The following TEX48 variants were observed in gnomAD, a reference collection of about 807,000 sequenced individuals.
The protein encoded by TEX48 is testis expressed 48.
TEX48 carries 10 observed loss-of-function variants against 13.2 expected under a neutral mutation model. The ratio of observed to expected loss-of-function variants is 0.75; its 90% CI spans 0.47 to 1.28. The LOEUF is 1.28. Among genes scored for constraint, TEX48 ranks in the 50% most tolerant of loss-of-function variants. The pLI is 0.00. For missense variants in TEX48, 116 were observed against 139.4 expected (o/e 0.83, Z 0.84); for synonymous variants, 45 against 52.3 (o/e 0.86, Z 0.60).
intron 1 of TEX48, among the ~76,000 whole-genome samples, chr9:114,680,243 T>C (rs552182289): frequency 6.7e-6 from 1 of 148,428 alleles, no homozygotes; most frequent in African/African-American, 2.5e-5. Flanking sequence ...TTCTCCTGCC[T>C]CAGCCTCCCG....
chr9:114,680,821 G>A (rs985155077), intron 1 of TEX48, among the ~76,000 whole-genome samples: 1 of 152,100 alleles, frequency 6.6e-6, no homozygotes, highest in Non-Finnish European at 1.5e-5. Context: ...AAACTCCCTT[G>A]GTAACCATTC....
intron 1 of TEX48, among the ~76,000 whole-genome samples, chr9:114,673,042 G>A (rs1200310258): frequency 6.6e-6 from 1 of 152,168 alleles, no homozygotes; most frequent in Non-Finnish European, 1.5e-5. Context: ...CTACCAAGCT[G>A]TATAACATAC....
chr9:114,679,908 G>T (rs545406965), intron 1 of TEX48, among the ~76,000 whole-genome samples: 1 of 152,076 alleles, frequency 6.6e-6, no homozygotes, highest in Non-Finnish European at 1.5e-5. Context: ...AGAAACCTTC[G>T]GGTTTTATTT....
At chr9:114,667,206 C>G (rs1259372443) in intron 4 of TEX48, among the ~76,000 whole-genome samples, 2 of 152,166 alleles carry the variant, frequency 1.3e-5, no homozygotes, top group African/African-American at 4.8e-5. Flanking sequence ...AAAATGGACT[C>G]TGTGAAATGC....
Position 114,666,636 on chromosome 9 carries a change from A to T in TEX48, c.*7T>A. 1 of 1,498,280 alleles carries T rather than the reference A, an allele frequency of 6.7e-7. No individual in the cohort carries two copies. The highest frequency in any genetic ancestry group is 8.9e-7 in the Non-Finnish European group (1 of 1,118,310). The allele number at this position is 1,498,280 out of a possible 1,614,324, so 92.8% of individuals were successfully genotyped here. On this transcript the variant is annotated 3_prime_UTR_variant, in exon 5 of 5. Coordinates refer to ENST00000436752, the MANE Select transcript of TEX48 (RefSeq NM_001199233.2). Reference sequence around the variant, plus strand: ...CCCAGCAGCTGTGCAGCCGCCGGCTAGAATGCTCAGGGCCTCCCAGTGAGG... The same window carrying T: ...CCCAGCAGCTGTGCAGCCGCCGGCTTGAATGCTCAGGGCCTCCCAGTGAGG...
intron 1 of TEX48, among the ~76,000 whole-genome samples, chr9:114,680,220 T>C (rs892804456): frequency 2.1e-5 from 3 of 145,510 alleles, no homozygotes; most frequent in Admixed American, 1.4e-4. Context: ...CTCCGCCTCC[T>C]GGGTTCAAGC....
chr9:114,676,190 G>A, intron 1 of TEX48, among the ~76,000 whole-genome samples: 1 of 152,002 alleles, frequency 6.6e-6, no homozygotes, highest in East Asian at 1.9e-4. Context: ...TTGAGACAGG[G>A]TCTCACTCTG....
chr9:114,668,369 G>C, intron 3 of TEX48, 32 bp from the exon 4 acceptor site: 1 of 1,527,946 alleles, frequency 6.5e-7, no homozygotes. Flanking sequence ...GGTCACGTGG[G>C]GGAGGCTTAG....
In TEX48 at chr9:114,666,704, T is replaced by C; in HGVS notation, c.302A>G (p.Asn101Ser). The C allele has an allele frequency of 1.3e-6, 2 of 1,535,238 alleles. No homozygotes were observed. The highest frequency in any genetic ancestry group is 1.7e-6 in the Non-Finnish European group (2 of 1,146,586). The change falls in exon 5 of 5, where the codon AAC becomes AGC. Residue 101 changes from asparagine to serine, a missense_variant. Asn to Ser is a conservative substitution (Grantham distance 46). Coordinates refer to ENST00000436752, the MANE Select transcript of TEX48 (RefSeq NM_001199233.2). The part of the protein sequence containing the change: ...YASQRNFYKR[N>S]LNRYCQEHWP... Reference sequence around the variant, plus strand: ...GTGCTCCTGGCAGTAGCGGTTTAAGTTTCTCTTGTAAAAATTTCTTTGGGA... The same window carrying C: ...GTGCTCCTGGCAGTAGCGGTTTAAGCTTCTCTTGTAAAAATTTCTTTGGGA...
At chr9:114,667,520 T>C (rs78520219) in intron 4 of TEX48, among the ~76,000 whole-genome samples, 19,629 of 152,206 alleles carry the variant, frequency 0.13, 1,469 homozygotes, top group South Asian at 0.25. Context: ...TAACAGGGAA[T>C]AAAACTGATG....
In TEX48 at chr9:114,677,167, G is replaced by A. The variant is rs1001987949; in HGVS notation, c.-105+4868C>T. On this transcript the variant is annotated intron_variant, in intron 1 of 4. Coordinates refer to ENST00000436752, the MANE Select transcript of TEX48 (RefSeq NM_001199233.2). The stretch of plus-strand genomic sequence containing the variant: ...TGTGTGGATTTTTTGGTCAAAGTGG[G>A]GGCACTCACTAGGTCCATTTAGCTC... 5.3e-5 allele frequency among the ~76,000 whole-genome samples: 8 copies of A among 152,144 alleles called. No homozygotes were observed. The East Asian group carries it at 1.5e-3, about 29-fold the overall frequency.
intron 1 of TEX48, 145 bp from the exon 2 acceptor site, chr9:114,671,972 C>T (rs1465544239): frequency 3.6e-6 from 2 of 559,944 alleles, no homozygotes; most frequent in Admixed American, 3.1e-5. Context: ...TGTGTCCTAC[C>T]CCATGAACAG....
At chr9:114,670,877 C>T (rs1181459615) in intron 3 of TEX48, among the ~76,000 whole-genome samples, 1 of 152,114 alleles carries the variant, frequency 6.6e-6, no homozygotes, top group Admixed American at 6.5e-5. Flanking sequence ...TATATTGCCT[C>T]ACAATAATAA....
intron 3 of TEX48, among the ~76,000 whole-genome samples, chr9:114,670,375 A>G (rs1564315893): frequency 6.6e-6 from 1 of 152,098 alleles, no homozygotes; most frequent in East Asian, 1.9e-4. Context: ...TTCTGTCAAA[A>G]TACATCATTG....
intron 1 of TEX48, among the ~76,000 whole-genome samples, chr9:114,674,740 G>A (rs112904147): frequency 0.057 from 8,606 of 150,108 alleles, 463 homozygotes; most frequent in East Asian, 0.2. Context: ...GAGTGCAGTG[G>A]CACAATCATG....
At chr9:114,673,471 CA>C (rs745988049) in intron 1 of TEX48, among the ~76,000 whole-genome samples, 1,155 of 107,176 alleles carry the variant, frequency 0.011, 17 homozygotes, top group Middle Eastern at 0.054. Flanking sequence ...AACTCTGTCT[CA>C]AAAAAAAAAA....
At chr9:114,679,517 A>C (rs1387668673) in intron 1 of TEX48, among the ~76,000 whole-genome samples, 2 of 152,116 alleles carry the variant, frequency 1.3e-5, no homozygotes, top group African/African-American at 4.8e-5. Flanking sequence ...AAACTCCCAA[A>C]GGGCATTGTC....
At chr9:114,671,658 C>G in intron 2 of TEX48, 62 bp downstream of exon 2, 6 of 1,534,914 alleles carry the variant, frequency 3.9e-6, no homozygotes, top group Non-Finnish European at 4.4e-6. Context: ...CTGTAGCTTC[C>G]CATGGCCAGC....
chr9:114,672,289 G>A lies in TEX48; in HGVS notation c.-104-462C>T, dbSNP rs900444012. On this transcript the variant is annotated intron_variant, in intron 1 of 4. Transcript: ENST00000436752. Reference sequence around the variant, plus strand: ...GCTGGAGGGCTTTGGGTAGGTCCATGCTTTTTTCTGTGTCTCAGGCTCCTC... The same window carrying A: ...GCTGGAGGGCTTTGGGTAGGTCCATACTTTTTTCTGTGTCTCAGGCTCCTC... Among the ~76,000 whole-genome samples the A allele has an allele frequency of 6.6e-5, 10 of 152,258 alleles. No individual in the cohort carries two copies. The East Asian group carries it at 1.9e-3, about 29-fold the overall frequency.
Sources: gnomAD v4.1 joint callset for allele counts (sites outside exome capture counted in the v4.1 genomes callset) on GRCh38, gnomAD v4.1.1 for gene constraint, MANE v1.5 for transcripts, NCBI Gene and HGNC (gene_info 2026-07-23, HGNC 2026-07-21) for gene names.